TMEM232: variants seen among roughly 807,000 people sequenced by gnomAD.
The protein encoded by TMEM232 is transmembrane protein 232.
A neutral mutation model predicts 78.8 loss-of-function variants in TMEM232; 80 were observed. That is an observed-to-expected ratio of 1.01 (90% CI 0.85 to 1.22). The LOEUF is 1.22. TMEM232 is among the 50% of genes most tolerant of loss of function. The pLI is 0.00. For missense variants in TMEM232, 881 were observed against 742.2 expected (o/e 1.19, Z -2.17); for synonymous variants, 297 against 254.3 (o/e 1.17, Z -1.60).
Position 110,627,814 on chromosome 5 carries a change from G to A in TMEM232, c.568C>T (p.Gln190Ter), listed in dbSNP as rs1226693184. ...FLHGHLESFK[Q>*]HLLRLQPYLY... ...TATGGTTGAAGCCTAAGTAAATGTT[G>A]TTTAAAACTTTCTAGATGACCATGC... The change falls in exon 6 of 14, where the codon CAA becomes TAA. Residue 190 changes from glutamine (Q) to a stop codon, truncating the protein, a stop_gained. Transcript: ENST00000455884. LOFTEE classifies it high-confidence loss of function. 2.0e-6 allele frequency: 3 copies of A among 1,533,066 alleles called. No homozygotes were observed. In the East Asian group the frequency reaches 7.4e-5, roughly 38 times the overall value. The allele number at this position is 1,533,066 out of a possible 1,614,324, so 95.0% of individuals were successfully genotyped here. A position where few individuals can be genotyped will look rare whatever the true frequency, so the allele number is the denominator to read the frequency against.
intron 13 of TMEM232, among the ~76,000 whole-genome samples, chr5:110,422,369 A>T (rs1416867902): frequency 6.6e-6 from 1 of 151,688 alleles, no homozygotes; most frequent in Non-Finnish European, 1.5e-5. Flanking sequence ...ATACAAAAAA[A>T]ATTAGCCGGG....
chr5:110,487,695 T>A (rs1580888976), intron 12 of TMEM232, among the ~76,000 whole-genome samples: 2 of 152,102 alleles, frequency 1.3e-5, no homozygotes, highest in Non-Finnish European at 2.9e-5. Flanking sequence ...TGATATGTTG[T>A]TGGATTCAGT....
At chr5:110,690,805 T>C (rs1794025894) in intron 1 of TMEM232, among the ~76,000 whole-genome samples, 1 of 152,108 alleles carries the variant, frequency 6.6e-6, no homozygotes, top group South Asian at 2.1e-4. Context: ...TTAAAAAGGA[T>C]GAATTCATGT....
chr5:110,721,080 T>C (rs1797545924), intron 1 of TMEM232, among the ~76,000 whole-genome samples: 1 of 152,100 alleles, frequency 6.6e-6, no homozygotes, highest in Non-Finnish European at 1.5e-5. Flanking sequence ...AACAAACTAG[T>C]TGCAGGGGAA....
intron 12 of TMEM232, among the ~76,000 whole-genome samples, chr5:110,473,127 A>G (rs184146391): frequency 6.6e-6 from 1 of 151,970 alleles, no homozygotes; most frequent in Non-Finnish European, 1.5e-5. Context: ...CACAGCTAAG[A>G]AAACCACCAA....
At chr5:110,476,749 C>T (rs1038439300) in intron 12 of TMEM232, among the ~76,000 whole-genome samples, 2 of 151,900 alleles carry the variant, frequency 1.3e-5, no homozygotes, top group East Asian at 3.9e-4. Context: ...TATTACAGCA[C>T]GTTTGGACAT....
chr5:110,617,512 A>T, intron 8 of TMEM232, among the ~76,000 whole-genome samples: 2 of 152,334 alleles, frequency 1.3e-5, no homozygotes, highest in South Asian at 4.1e-4. Flanking sequence ...CATATATCCT[A>T]ACATATCATT....
chr5:110,550,954 T>G (rs1774389035), intron 11 of TMEM232, among the ~76,000 whole-genome samples: 1 of 151,928 alleles, frequency 6.6e-6, no homozygotes, highest in African/African-American at 2.4e-5. Context: ...CCAGCCATTT[T>G]TTTTTTTTCA....
At chr5:110,718,744 T>TA (rs1045283657) in intron 1 of TMEM232, among the ~76,000 whole-genome samples, 7 of 152,082 alleles carry the variant, frequency 4.6e-5, no homozygotes, top group African/African-American at 1.7e-4. Context: ...TTGGTGTGCT[T>TA]AAGGGTTACC....
At chr5:110,548,831 C>T (rs1774102926) in intron 11 of TMEM232, among the ~76,000 whole-genome samples, 1 of 151,878 alleles carries the variant, frequency 6.6e-6, no homozygotes, top group Non-Finnish European at 1.5e-5. Context: ...GAACCCTAAT[C>T]AAAAGAGATC....
intron 12 of TMEM232, among the ~76,000 whole-genome samples, chr5:110,429,733 T>G (rs1241737894): frequency 6.6e-6 from 1 of 151,792 alleles, no homozygotes; most frequent in Non-Finnish European, 1.5e-5. Context: ...TATCCCACTT[T>G]TTGAGGAAAA....
At chr5:110,581,931 G>C (rs1778252571) in intron 10 of TMEM232, among the ~76,000 whole-genome samples, 1 of 151,876 alleles carries the variant, frequency 6.6e-6, no homozygotes, top group Non-Finnish European at 1.5e-5. Flanking sequence ...AGTCATTAGA[G>C]AAATGCAAAT....
At chr5:110,544,242 T>C (rs1266414334) in intron 11 of TMEM232, among the ~76,000 whole-genome samples, 1 of 152,144 alleles carries the variant, frequency 6.6e-6, no homozygotes, top group Non-Finnish European at 1.5e-5. Context: ...GTTAACTTTA[T>C]TGATTTACTA....
chr5:110,594,099 A>G (rs906888548), intron 10 of TMEM232, among the ~76,000 whole-genome samples: 2 of 151,896 alleles, frequency 1.3e-5, no homozygotes, highest in South Asian at 2.1e-4. Flanking sequence ...TTTCTAACTG[A>G]AGTACCCAGT....
intron 1 of TMEM232, among the ~76,000 whole-genome samples, chr5:110,735,717 C>T (rs1020489389): frequency 7.9e-5 from 12 of 152,248 alleles, no homozygotes; most frequent in Non-Finnish European, 1.6e-4. Context: ...CATTGTGTTT[C>T]CCCCTTGCTG....
At chr5:110,670,891 T>C (rs897172209) in intron 1 of TMEM232, among the ~76,000 whole-genome samples, 23 of 152,074 alleles carry the variant, frequency 1.5e-4, no homozygotes, top group African/African-American at 5.6e-4. Context: ...AGTAGGAATG[T>C]GCAAAGGAGA....
At chr5:110,473,532 T>C (rs1561539274) in intron 12 of TMEM232, among the ~76,000 whole-genome samples, 1 of 151,310 alleles carries the variant, frequency 6.6e-6, no homozygotes, top group Non-Finnish European at 1.5e-5. Flanking sequence ...GTTTCTAAAA[T>C]ATTGAAAATA....
chr5:110,529,848 G>T (rs933191249), intron 11 of TMEM232, among the ~76,000 whole-genome samples: 1 of 152,160 alleles, frequency 6.6e-6, no homozygotes, highest in African/African-American at 2.4e-5. Context: ...AAATGAAAAT[G>T]TAAGTAAAAG....
intron 12 of TMEM232, among the ~76,000 whole-genome samples, chr5:110,479,441 G>T (rs982170126): frequency 6.6e-6 from 1 of 151,722 alleles, no homozygotes; most frequent in Non-Finnish European, 1.5e-5. Flanking sequence ...AGCCCTTCAT[G>T]TCTCTCTAGT....
Sources: gnomAD v4.1 joint callset for allele counts (sites outside exome capture counted in the v4.1 genomes callset) on GRCh38, gnomAD v4.1.1 for gene constraint, MANE v1.5 for transcripts, NCBI Gene and HGNC (gene_info 2026-07-23, HGNC 2026-07-21) for gene names.